The following NECTIN3 variants were observed in gnomAD, a reference collection of about 807,000 sequenced individuals.
NECTIN3 encodes the protein nectin-3.
In NECTIN3, 8 loss-of-function variants were observed where a neutral mutation model predicts 49.4. The ratio of observed to expected loss-of-function variants is 0.16; its 90% CI spans 0.10 to 0.29. The LOEUF (loss-of-function observed/expected upper bound fraction) is 0.29. NECTIN3 is among the 10% of genes least tolerant of loss of function. The pLI is 1.00. For synonymous variants in NECTIN3, 277 were observed against 241.1 expected (o/e 1.15, Z -1.38); for missense variants, 581 against 654.6 (o/e 0.89, Z 1.23).
At chr3:111,072,678 G>C (rs1432949334) in intron 1 of NECTIN3, 1 of 1,161,034 alleles carries the variant, frequency 8.6e-7, no homozygotes, top group Non-Finnish European at 1.2e-6. Flanking sequence ...CCCAGCCGCA[G>C]AATCCCCTAC....
At chr3:111,152,170 T>C (rs185422828) in intron 7 of NECTIN3, among the ~76,000 whole-genome samples, 64 of 152,020 alleles carry the variant, frequency 4.2e-4, no homozygotes, top group Admixed American at 2.8e-3. Context: ...AAGATTTTAA[T>C]AAACCAATAA....
At chr3:111,074,228 T>C (rs749258993) in intron 1 of NECTIN3, 1 of 456,458 alleles carries the variant, frequency 2.2e-6, no homozygotes, top group South Asian at 1.6e-5. Flanking sequence ...AGCTTAGTGG[T>C]ATGGAAGCAA....
downstream of NECTIN3, among the ~76,000 whole-genome samples, chr3:111,138,623 A>G (rs2034656594): frequency 1.3e-5 from 2 of 151,634 alleles, no homozygotes; most frequent in South Asian, 4.2e-4. Context: ...GTTTATTTCA[A>G]TTTAGAAGGA....
intron 1 of NECTIN3, among the ~76,000 whole-genome samples, chr3:111,083,658 G>A (rs1042537952): frequency 1.1e-4 from 16 of 152,156 alleles, no homozygotes; most frequent in African/African-American, 3.9e-4. Flanking sequence ...CATCAGTCAA[G>A]GTTTTATTCA....
intron 7 of NECTIN3, among the ~76,000 whole-genome samples, chr3:111,157,614 G>T (rs2035123888): frequency 6.6e-6 from 1 of 152,062 alleles, no homozygotes. Context: ...GTGTAAAGAT[G>T]ATGTTTCCAA....
intron 7 of NECTIN3, among the ~76,000 whole-genome samples, chr3:111,179,661 G>A (rs1027714157): frequency 2.0e-4 from 30 of 152,106 alleles, no homozygotes; most frequent in Admixed American, 5.2e-4. Flanking sequence ...TTGGGAGGCC[G>A]AGATGGGCAG....
intron 2 of NECTIN3, 99 bp downstream of exon 2, chr3:111,112,470 G>T: frequency 2.6e-6 from 2 of 766,018 alleles, no homozygotes; most frequent in Non-Finnish European, 3.9e-6. Flanking sequence ...TTTAACTTTA[G>T]GTTTAAAGTA....
At chr3:111,082,031 A>G (rs186831434) in intron 1 of NECTIN3, among the ~76,000 whole-genome samples, 2 of 152,328 alleles carry the variant, frequency 1.3e-5, no homozygotes, top group Non-Finnish European at 2.9e-5. Context: ...TTCCATGGAA[A>G]GAGGATTACA....
upstream of NECTIN3, chr3:111,192,246 C>A: frequency 9.7e-7 from 1 of 1,027,414 alleles, no homozygotes; most frequent in South Asian, 1.6e-5. Context: ...AGTTGGTAGA[C>A]ATTTATAACA....
intron 7 of NECTIN3, among the ~76,000 whole-genome samples, chr3:111,163,247 C>G (rs1330316903): frequency 6.6e-6 from 1 of 152,198 alleles, no homozygotes; most frequent in Non-Finnish European, 1.5e-5. Context: ...AGCTAGACTT[C>G]TTACATGGTA....
intron 5 of NECTIN3, among the ~76,000 whole-genome samples, chr3:111,131,499 G>A (rs936607405): frequency 3.3e-5 from 5 of 151,938 alleles, no homozygotes; most frequent in East Asian, 1.9e-4. Flanking sequence ...GTATTAAATG[G>A]CCTCTCTTTC....
rs769896801 is a variant in NECTIN3, at chr3:111,122,103, C to T, written c.800-18C>T. The T allele has an allele frequency of 6.9e-7, 1 of 1,459,164 alleles. No individual in the cohort carries two copies. Among genetic ancestry groups the T allele is most frequent in the Non-Finnish European group, 9.6e-7 (1 of 1,039,656 alleles). 90.4% of individuals were successfully genotyped at this position (1,459,164 alleles called of 1,614,324 possible). A position where few individuals can be genotyped will look rare whatever the true frequency, so the allele number is the denominator to read the frequency against. On this transcript the variant is annotated intron_variant, in intron 3 of 5. Transcript: ENST00000485303. ...ATTAACAAAAGGTAATCTGTCCTGT[C>T]ATGCATTTATTTTATAGATGCTCCT...
chr3:111,189,337 T>G (rs72937982), upstream of NECTIN3, among the ~76,000 whole-genome samples: 17,482 of 152,188 alleles, frequency 0.11, 2,070 homozygotes, highest in African/African-American at 0.3. Flanking sequence ...TTATGATGGC[T>G]TCTACTGACT....
chr3:111,164,777 T>C (rs2035286014), intron 7 of NECTIN3, among the ~76,000 whole-genome samples: 1 of 152,218 alleles, frequency 6.6e-6, no homozygotes, highest in African/African-American at 2.4e-5. Context: ...GACCTCATTT[T>C]AACTTGATGA....
intron 1 of NECTIN3, among the ~76,000 whole-genome samples, chr3:111,107,107 A>G (rs1232028852): frequency 2.0e-5 from 3 of 152,140 alleles, no homozygotes; most frequent in Non-Finnish European, 4.4e-5. Flanking sequence ...GATCTGTAAT[A>G]TGGATCTCCC....
intron 7 of NECTIN3, among the ~76,000 whole-genome samples, chr3:111,154,695 G>T (rs2035064302): frequency 6.6e-6 from 1 of 152,102 alleles, no homozygotes; most frequent in East Asian, 1.9e-4. Flanking sequence ...TAGTTGTGTG[G>T]TTGTGTTTTA....
chr3:111,128,089 G>A (rs2034239432), intron 5 of NECTIN3, among the ~76,000 whole-genome samples: 1 of 152,108 alleles, frequency 6.6e-6, no homozygotes, highest in Non-Finnish European at 1.5e-5. Flanking sequence ...TGTAATCCCA[G>A]CACTTTGGGA....
chr3:111,173,172 A>G (rs2035464805), intron 7 of NECTIN3, among the ~76,000 whole-genome samples: 1 of 152,196 alleles, frequency 6.6e-6, no homozygotes, highest in African/African-American at 2.4e-5. Context: ...ACTCCCCTTT[A>G]ATACAAGATG....
intron 7 of NECTIN3, among the ~76,000 whole-genome samples, chr3:111,165,566 G>A (rs1201591556): frequency 6.6e-6 from 1 of 152,166 alleles, no homozygotes; most frequent in Non-Finnish European, 1.5e-5. Context: ...CATACTGCCG[G>A]AGTACGGTAT....
Sources: allele counts gnomAD v4.1 joint callset (sites outside exome capture counted in the v4.1 genomes callset), GRCh38; gene constraint gnomAD v4.1.1; transcripts MANE v1.5; gene names NCBI Gene and HGNC (gene_info 2026-07-23, HGNC 2026-07-21).